CRCT1: variants seen among roughly 807,000 people sequenced by gnomAD.
CRCT1 encodes the protein cysteine rich C-terminal 1.
For synonymous variants in CRCT1, 86 were observed against 60.3 expected (o/e 1.43, Z -1.98); for missense variants, 160 against 136.3 (o/e 1.17, Z -0.87).
In CRCT1 at chr1:152,515,542, C is replaced by A. The variant is rs1246914317; in HGVS notation, c.159C>A (p.Cys53Ter). ...GRGCCGDSGC[C>*]GSSSTSCCCF... is the part of the protein sequence containing the mutation. ...GCTGCTGCGGCGACTCAGGCTGCTG[C>A]GGCTCCAGCTCCACCAGTTGCTGCT... is the stretch of plus-strand genomic sequence containing the variant. The change falls in exon 2 of 2, where the codon TGC (cysteine) becomes TGA (stop). Residue 53 changes from cysteine to a stop codon, truncating the protein, a stop_gained. Coordinates refer to ENST00000368790, the MANE Select transcript of CRCT1 (RefSeq NM_019060.3). LOFTEE classifies it high-confidence loss of function. 1 of 1,595,236 alleles carries A rather than the reference C, an allele frequency of 6.3e-7. No individual in the cohort carries two copies. Among genetic ancestry groups the A allele is most frequent in the Non-Finnish European group, 8.5e-7 (1 of 1,176,332 alleles).
intron 1 of CRCT1, among the ~76,000 whole-genome samples, chr1:152,514,756 C>T (rs150122586): frequency 1.3e-5 from 2 of 152,110 alleles, no homozygotes; most frequent in African/African-American, 4.8e-5. Flanking sequence ...ACAGCAAGTC[C>T]GCAGAAGAGC....
rs536744706 is a variant in CRCT1 at position 152,514,819 on chromosome 1, C to T, written c.-23+267C>T. 9.2e-5 allele frequency among the ~76,000 whole-genome samples: 14 copies of T among 152,258 alleles called. No homozygotes were observed. In the East Asian group the frequency reaches 2.7e-3, roughly 29 times the overall value. On this transcript the variant is annotated intron_variant, in intron 1 of 1. Coordinates refer to ENST00000368790, the MANE Select transcript of CRCT1 (RefSeq NM_019060.3). ...CCCTGGATGGGGTTATTTATATTGG[C>T]ACAACTCTCCTTTCCCACATGGTTG...
chr1:152,515,633 A>T lies in CRCT1; in HGVS notation c.250A>T (p.Arg84Trp). The T allele has an allele frequency of 3.2e-6, 5 of 1,579,996 alleles. No homozygotes were observed. Among genetic ancestry groups the T allele is most frequent in the Non-Finnish European group, 4.3e-6 (5 of 1,166,306 alleles). Reference protein sequence around the residue: ...GCCCCGGGSQRSQRSNNRSSG... With the variant: ...GCCCCGGGSQWSQRSNNRSSG... ...CTGCTGCTGCGGGGGCGGCAGCCAG[A>T]GGTCCCAGCGCTCCAACAACCGGAG... Residue 84 changes from arginine (R) to tryptophan (W), a missense_variant, in exon 2 of 2, where the codon AGG becomes TGG. By Grantham distance (101) the Arg-to-Trp change is moderately radical. Coordinates refer to ENST00000368790, the MANE Select transcript of CRCT1 (RefSeq NM_019060.3).
chr1:152,515,983 A>G lies in CRCT1; in HGVS notation c.*300A>G, dbSNP rs906595685. ...GATTTGATTGTCTTTTGAAGATGTC[A>G]TAATAAAGCTTCTACCTCCTGAGAA... On this transcript the variant is annotated 3_prime_UTR_variant, in exon 2 of 2. Coordinates refer to ENST00000368790, the MANE Select transcript of CRCT1 (RefSeq NM_019060.3). 8.4e-6 allele frequency: 3 copies of G among 357,092 alleles called. No homozygotes were observed. In the South Asian group the frequency reaches 4.4e-4, roughly 52 times the overall value. The allele number at this position is 357,092 out of a possible 1,614,324, so 22.1% of individuals were successfully genotyped here.
In CRCT1 at chr1:152,515,625, G is replaced by A. The variant is rs201725413; in HGVS notation, c.242G>A (p.Gly81Asp). ...RSSGCCCCGG[G>D]SQRSQRSNNR... is the part of the protein sequence containing the mutation. ...AGTGGTTGCTGCTGCTGCGGGGGCG[G>A]CAGCCAGAGGTCCCAGCGCTCCAAC... The change falls in exon 2 of 2, where the codon GGC becomes GAC. Residue 81 changes from glycine (G) to aspartate (D), a missense_variant. By Grantham distance (94) the Gly-to-Asp change is moderately conservative. Coordinates refer to ENST00000368790, the MANE Select transcript of CRCT1 (RefSeq NM_019060.3). The A allele has an allele frequency of 3.2e-6, 5 of 1,582,156 alleles. No individual in the cohort carries two copies. In the South Asian group the frequency reaches 3.4e-5, roughly 11 times the overall value.
intron 1 of CRCT1, 21 bp from the exon 2 acceptor site, chr1:152,515,341 G>C: frequency 6.7e-7 from 1 of 1,482,930 alleles, no homozygotes; most frequent in Non-Finnish European, 8.9e-7. Flanking sequence ...GCTCGCCTTT[G>C]AAAGGCTGCC....
At chr1:152,515,194 A>G (rs1658711345) in intron 1 of CRCT1, among the ~76,000 whole-genome samples, 168 bp from the exon 2 acceptor site, 1 of 152,134 alleles carries the variant, frequency 6.6e-6, no homozygotes, top group Non-Finnish European at 1.5e-5. Context: ...CTCACTGGAA[A>G]CACCTGCTTG....
intron 1 of CRCT1, 50 bp from the exon 2 acceptor site, chr1:152,515,312 T>C (rs1571007510): frequency 7.0e-7 from 1 of 1,419,386 alleles, no homozygotes; most frequent in East Asian, 2.4e-5. Flanking sequence ...AGAGTTCCAT[T>C]GGTGGAAAGA....
At chr1:152,515,108 A>G (rs1431942237) in intron 1 of CRCT1, among the ~76,000 whole-genome samples, 1 of 152,216 alleles carries the variant, frequency 6.6e-6, no homozygotes, top group Non-Finnish European at 1.5e-5. Flanking sequence ...GAACTTGAGC[A>G]GTCTTCTTCT....
Position 152,515,424 on chromosome 1 carries a change from C to T in CRCT1, c.41C>T (p.Ser14Phe). ...AGCGCCGTTTCCGCCAAAGGCTTTT[C>T]CAAGGGGTCGTCCCAGGGCCCCGCT... Reference protein sequence around the residue: ...QQSAVSAKGFSKGSSQGPAPC... With the variant: ...QQSAVSAKGFFKGSSQGPAPC... Residue 14 changes from serine to phenylalanine, a missense_variant, in exon 2 of 2, where the codon TCC (serine) becomes TTC (phenylalanine). Ser to Phe is a radical substitution (Grantham distance 155). Transcript: ENST00000368790. 7 of 1,579,430 alleles carry T rather than the reference C, an allele frequency of 4.4e-6. No homozygotes were observed. The highest frequency in any genetic ancestry group is 6.0e-6 in the Non-Finnish European group (7 of 1,166,412).
In CRCT1 at chr1:152,515,582, C is replaced by T. The variant is rs559238110; in HGVS notation, c.199C>T (p.Arg67Cys). ...STSCCCFPRR[R>C]RRQRSSGCCC... ...CAGTTGCTGCTGCTTCCCAAGGAGA[C>T]GCCGCCGACAGCGGAGTAGTGGTTG... is the stretch of plus-strand genomic sequence containing the variant. Residue 67 changes from arginine (R) to cysteine (C), a missense_variant, in exon 2 of 2, where the codon CGC (arginine) becomes TGC (cysteine). By Grantham distance (180) the Arg-to-Cys change is radical (BLOSUM62 -3). Coordinates refer to ENST00000368790, the MANE Select transcript of CRCT1 (RefSeq NM_019060.3). 10 of 1,594,448 alleles carry T rather than the reference C, an allele frequency of 6.3e-6. No individual in the cohort carries two copies. In the East Asian group the frequency reaches 2.0e-4, roughly 32 times the overall value.
chr1:152,515,274 C>T (rs548173509), intron 1 of CRCT1, 88 bp from the exon 2 acceptor site: 29 of 1,180,492 alleles, frequency 2.5e-5, no homozygotes, highest in Middle Eastern at 2.8e-4. Context: ...CTGACTTGTA[C>T]ACTAAGCCGA....
In CRCT1 at chr1:152,515,786, C is replaced by G; in HGVS notation, c.*103C>G. ...CGGGGCTGGGCCTCGGAGTTTGCCCCGTAAAGCGAATTGCACTTTGATGTT... is the reference window on the plus strand; with the variant it reads ...CGGGGCTGGGCCTCGGAGTTTGCCCGGTAAAGCGAATTGCACTTTGATGTT... On this transcript the variant is annotated 3_prime_UTR_variant, in exon 2 of 2. Coordinates refer to ENST00000368790, the MANE Select transcript of CRCT1 (RefSeq NM_019060.3). The G allele has an allele frequency of 4.2e-6, 6 of 1,413,908 alleles. No individual in the cohort carries two copies. Among genetic ancestry groups the G allele is most frequent in the Non-Finnish European group, 5.5e-6 (6 of 1,083,604 alleles). 87.6% of individuals were successfully genotyped at this position (1,413,908 alleles called of 1,614,324 possible).
Position 152,515,500 on chromosome 1 carries a change from C to T in CRCT1, c.117C>T (p.Cys39=), listed in dbSNP as rs1011300853. Residue 39 remains cysteine, a synonymous_variant, in exon 2 of 2, where the codon TGC becomes TGT. Transcript: ENST00000368790. ...CGGCGCCCGCCTCCTCCTCCTCCTG[C>T]TGCGGCTCCGGCAGGGGCTGCTGCG... ...PTPAPASSSS[C]CGSGRGCCGD... 2 of 1,600,386 alleles carry T rather than the reference C, an allele frequency of 1.2e-6. No homozygotes were observed. The highest frequency in any genetic ancestry group is 1.3e-5 in the African/African-American group (1 of 74,810).
rs779587800 is a variant in CRCT1, at chr1:152,515,416, A to T, written c.33A>T (p.Lys11Asn). 1.3e-6 allele frequency: 2 copies of T among 1,569,630 alleles called. No homozygotes were observed. The highest frequency in any genetic ancestry group is 2.7e-5 in the African/African-American group (2 of 72,884). Residue 11 changes from lysine (K) to asparagine (N), a missense_variant, in exon 2 of 2, where the codon AAA becomes AAT. Coordinates refer to ENST00000368790, the MANE Select transcript of CRCT1 (RefSeq NM_019060.3). MSSQQSAVSAKGFSKGSSQGP... is the reference protein window; with the variant it reads MSSQQSAVSANGFSKGSSQGP... ...CTCAACAGAGCGCCGTTTCCGCCAAAGGCTTTTCCAAGGGGTCGTCCCAGG... is the reference window on the plus strand; with the variant it reads ...CTCAACAGAGCGCCGTTTCCGCCAATGGCTTTTCCAAGGGGTCGTCCCAGG...
At chr1:152,514,889 T>C (rs1228914173) in intron 1 of CRCT1, among the ~76,000 whole-genome samples, 1 of 152,146 alleles carries the variant, frequency 6.6e-6, no homozygotes, top group African/African-American at 2.4e-5. Context: ...CAGGACATGC[T>C]TCTGGCCTGT....
rs374162866 is a variant in CRCT1, at chr1:152,515,543, G to A, written c.160G>A (p.Gly54Ser). The A allele has an allele frequency of 6.3e-7, 1 of 1,595,648 alleles. No individual in the cohort carries two copies. Among genetic ancestry groups the A allele is most frequent in the South Asian group, 1.1e-5 (1 of 89,960 alleles). The stretch of plus-strand genomic sequence containing the variant: ...CTGCTGCGGCGACTCAGGCTGCTGC[G>A]GCTCCAGCTCCACCAGTTGCTGCTG... ...RGCCGDSGCCGSSSTSCCCFP... is the reference protein window; with the variant it reads ...RGCCGDSGCCSSSSTSCCCFP... Residue 54 changes from glycine (G) to serine (S), a missense_variant, in exon 2 of 2, where the codon GGC becomes AGC. Transcript: ENST00000368790.
intron 1 of CRCT1, among the ~76,000 whole-genome samples, chr1:152,514,798 G>A (rs1328385792): frequency 6.6e-6 from 1 of 152,184 alleles, no homozygotes; most frequent in Non-Finnish European, 1.5e-5. Context: ...TCAGCTCCCT[G>A]GATGGGGTTA....
Position 152,515,355 on chromosome 1 carries a change from C to T in CRCT1, c.-22-7C>T, listed in dbSNP as rs377574730. 2.7e-6 allele frequency: 4 copies of T among 1,488,150 alleles called. No homozygotes were observed. The African/African-American group carries it at 4.3e-5, about 16-fold the overall frequency. The allele number at this position is 1,488,150 out of a possible 1,614,324, so 92.2% of individuals were successfully genotyped here. ...GGCTCGCCTTTGAAAGGCTGCCTTT[C>T]TTCCAGGTTTGTCGTGAGGAGCTCC... is the stretch of plus-strand genomic sequence containing the variant. On this transcript the variant is annotated splice_region_variant and splice_polypyrimidine_tract_variant and intron_variant, in intron 1 of 1. Transcript: ENST00000368790.
Sources: allele counts gnomAD v4.1 joint callset (sites outside exome capture counted in the v4.1 genomes callset), GRCh38; gene constraint gnomAD v4.1.1; transcripts MANE v1.5; gene names NCBI Gene and HGNC (gene_info 2026-07-23, HGNC 2026-07-21).